The following DGKB variants were observed in gnomAD, a reference collection of about 807,000 sequenced individuals.
DGKB encodes the protein 90 kDa diacylglycerol kinase.
DGKB carries 67 observed loss-of-function variants against 114.3 expected under a neutral mutation model. That is an observed-to-expected ratio of 0.59 (90% CI 0.48 to 0.72). The LOEUF (loss-of-function observed/expected upper bound fraction) is 0.72. Among genes scored for constraint, DGKB ranks in the 30% least tolerant of loss-of-function variants. DGKB has a pLI of 0.00. For synonymous variants in DGKB, 398 were observed against 323.1 expected, an observed-to-expected ratio of 1.23 and a Z score of -2.49; for missense variants, 907 against 975.2, an observed-to-expected ratio of 0.93 and a Z score of 0.93.
intron 6 of DGKB, among the ~76,000 whole-genome samples, chr7:14,710,627 G>A (rs550318562): frequency 6.6e-6 from 1 of 151,984 alleles, no homozygotes; most frequent in South Asian, 2.1e-4. Flanking sequence ...TTTGATGGGT[G>A]TTTCTTATAT....
chr7:14,968,858 T>C (rs919406390), intron 1 of DGKB, among the ~76,000 whole-genome samples: 1 of 152,198 alleles, frequency 6.6e-6, no homozygotes, highest in Non-Finnish European at 1.5e-5. Flanking sequence ...TACATTTGCA[T>C]CATGCAAATA....
intron 1 of DGKB, among the ~76,000 whole-genome samples, chr7:14,895,189 G>A (rs548555162): frequency 1.3e-5 from 2 of 151,650 alleles, no homozygotes; most frequent in Non-Finnish European, 1.5e-5. Context: ...ATAATATACA[G>A]GTAACAGGAA....
rs1212228138 is a variant in DGKB, at chr7:14,472,824, C to T, written c.1835+5337G>A. Among the ~76,000 whole-genome samples, 5 of 152,170 alleles carry T rather than the reference C, an allele frequency of 3.3e-5. No individual in the cohort carries two copies. The East Asian group carries it at 7.7e-4, about 24-fold the overall frequency. On this transcript the variant is annotated intron_variant, in intron 21 of 25. Coordinates refer to ENST00000402815, the MANE Select transcript of DGKB (RefSeq NM_001350709.2). ...TGTTTTAGCAAAGAGACTGGTGGCA[C>T]TTTGTCCCTGCCCTAGAGATTTGTG...
At chr7:14,236,460 A>T (rs1792801451) in intron 23 of DGKB, among the ~76,000 whole-genome samples, 1 of 151,928 alleles carries the variant, frequency 6.6e-6, no homozygotes, top group Non-Finnish European at 1.5e-5. Context: ...AATAACACTA[A>T]AGAAGAAAAA....
chr7:14,442,858 A>AT (rs1269361883), intron 21 of DGKB, among the ~76,000 whole-genome samples: 1 of 151,972 alleles, frequency 6.6e-6, no homozygotes, highest in Admixed American at 6.6e-5. Context: ...ATGCCATATG[A>AT]TTTTTTAAAT....
intron 13 of DGKB, among the ~76,000 whole-genome samples, chr7:14,630,874 C>T (rs911852758): frequency 1.3e-5 from 2 of 151,256 alleles, no homozygotes; most frequent in African/African-American, 4.9e-5. Context: ...TCTACCACTA[C>T]TACCCACTTT....
At chr7:14,230,288 T>C (rs768959430) in intron 23 of DGKB, among the ~76,000 whole-genome samples, 2 of 152,026 alleles carry the variant, frequency 1.3e-5, no homozygotes, top group Non-Finnish European at 2.9e-5. Flanking sequence ...TGACTTCACA[T>C]AAATTGATGA....
intron 2 of DGKB, among the ~76,000 whole-genome samples, chr7:14,796,474 T>G (rs1041392273): frequency 1.3e-4 from 20 of 152,144 alleles, no homozygotes; most frequent in African/African-American, 4.8e-4. Flanking sequence ...ACAAGTGGGA[T>G]AGAGATACTA....
chr7:14,758,204 T>C (rs1835170645), intron 2 of DGKB, among the ~76,000 whole-genome samples: 1 of 152,094 alleles, frequency 6.6e-6, no homozygotes, highest in Admixed American at 6.6e-5. Context: ...AAGCTTACCC[T>C]ATTCAATGAA....
intron 1 of DGKB, among the ~76,000 whole-genome samples, chr7:14,916,001 A>G (rs1784220966): frequency 6.6e-6 from 1 of 152,116 alleles, no homozygotes; most frequent in African/African-American, 2.4e-5. Context: ...TAATGTATGG[A>G]GTGCTTATAG....
intron 23 of DGKB, among the ~76,000 whole-genome samples, chr7:14,289,287 A>AAAT (rs1449567402): frequency 6.6e-6 from 1 of 152,298 alleles, no homozygotes; most frequent in Non-Finnish European, 1.5e-5. Context: ...GTAATGAGAC[A>AAAT]AATAGAGTGA....
At chr7:14,846,709 C>T (rs781131993) in intron 1 of DGKB, among the ~76,000 whole-genome samples, 1 of 152,186 alleles carries the variant, frequency 6.6e-6, no homozygotes, top group Non-Finnish European at 1.5e-5. Context: ...TTCTGGCTTT[C>T]TCTTCTAGTC....
chr7:14,680,918 A>T (rs1820715053), intron 12 of DGKB, among the ~76,000 whole-genome samples: 1 of 151,990 alleles, frequency 6.6e-6, no homozygotes, highest in Admixed American at 6.6e-5. Context: ...AACCTAAGAC[A>T]ATAAGTTTGT....
At chr7:14,830,841 T>A (rs899854761) in intron 2 of DGKB, among the ~76,000 whole-genome samples, 10 of 152,018 alleles carry the variant, frequency 6.6e-5, no homozygotes, top group Non-Finnish European at 1.2e-4. Flanking sequence ...TTTTCTATGT[T>A]CATTTTATAA....
intron 21 of DGKB, among the ~76,000 whole-genome samples, chr7:14,431,662 G>A (rs1218812603): frequency 3.3e-5 from 5 of 151,934 alleles, no homozygotes; most frequent in Non-Finnish European, 7.4e-5. Flanking sequence ...ATTTTATTGT[G>A]GTAAGTCATT....
chr7:14,775,600 G>A (rs1838045529), intron 2 of DGKB, among the ~76,000 whole-genome samples: 2 of 151,962 alleles, frequency 1.3e-5, no homozygotes, highest in Non-Finnish European at 1.5e-5. Flanking sequence ...GATAGTGGGT[G>A]AGTTCTCATG....
At chr7:14,151,989 G>T (rs1056404406) in intron 25 of DGKB, among the ~76,000 whole-genome samples, 3 of 151,970 alleles carry the variant, frequency 2.0e-5, no homozygotes, top group Admixed American at 6.6e-5. Context: ...GGAAGCTGCA[G>T]AGACTCAAGT....
rs770498049 is a variant in DGKB, at chr7:14,574,256, G to A, written c.1726C>T (p.Pro576Ser). The change falls in exon 20 of 26, where the codon CCA (proline) becomes TCA (serine). Residue 576 changes from proline to serine, a missense_variant. Coordinates refer to ENST00000402815, the MANE Select transcript of DGKB (RefSeq NM_001350709.2). ...IPNDKDEKGDPVPYSIINNYF... is the reference protein window; with the variant it reads ...IPNDKDEKGDSVPYSIINNYF... ...TTATTGATGATACTGTAAGGCACTG[G>A]GTCTCCTTTCTCATCTTTGTCATTA... is the stretch of plus-strand genomic sequence containing the variant. 3 of 1,613,208 alleles carry A rather than the reference G, an allele frequency of 1.9e-6. No homozygotes were observed. The highest frequency in any genetic ancestry group is 2.5e-6 in the Non-Finnish European group (3 of 1,179,492).
At chr7:14,843,201 A>G (rs1158684790) in intron 1 of DGKB, among the ~76,000 whole-genome samples, 3 of 150,584 alleles carry the variant, frequency 2.0e-5, no homozygotes, top group Non-Finnish European at 4.4e-5. Flanking sequence ...TGGGCAACAG[A>G]GCAAGATTCT....
Sources: allele counts gnomAD v4.1 joint callset (sites outside exome capture counted in the v4.1 genomes callset), GRCh38; gene constraint gnomAD v4.1.1; transcripts MANE v1.5; gene names NCBI Gene and HGNC (gene_info 2026-07-23, HGNC 2026-07-21).